Variants in TFG observed in about 807,000 individuals in gnomAD.
TFG encodes protein TFG.
Under a neutral mutation model 51.4 loss-of-function variants are expected in TFG, and 22 were observed. That is an observed-to-expected ratio of 0.43 (90% CI 0.31 to 0.61). The LOEUF (loss-of-function observed/expected upper bound fraction) is 0.61. Ranked by LOEUF, TFG falls within the 20% of genes least tolerant of loss-of-function variation. The pLI, the probability that TFG is intolerant of heterozygous loss-of-function variation, is 0.12. For synonymous variants in TFG, 187 were observed against 165.6 expected (o/e 1.13, Z -0.99); for missense variants, 419 against 487.7 (o/e 0.86, Z 1.33).
intron 6 of TFG, among the ~76,000 whole-genome samples, chr3:100,737,233 CT>C (rs1167606784): frequency 6.6e-6 from 1 of 152,148 alleles, no homozygotes; most frequent in Non-Finnish European, 1.5e-5. Context: ...TTAAGTCAGA[CT>C]TTTTCTTCTG....
At chr3:100,737,536 CTA>C (rs1175581505) in intron 6 of TFG, among the ~76,000 whole-genome samples, 1 of 152,188 alleles carries the variant, frequency 6.6e-6, no homozygotes, top group African/African-American at 2.4e-5. Flanking sequence ...TTTGTATTGT[CTA>C]TGTGTGTTGG....
At chr3:100,714,632 A>C (rs2095040708) in intron 2 of TFG, among the ~76,000 whole-genome samples, 1 of 152,184 alleles carries the variant, frequency 6.6e-6, no homozygotes, top group African/African-American at 2.4e-5. Flanking sequence ...AGCTTAAAAA[A>C]ATTTTTTTTC....
chr3:100,745,804 G>T (rs989769911), intron 7 of TFG, among the ~76,000 whole-genome samples: 1 of 152,040 alleles, frequency 6.6e-6, no homozygotes, highest in Non-Finnish European at 1.5e-5. Flanking sequence ...CTGTTTTTTT[G>T]AATAAAGTTT....
rs537516377 is a variant in TFG, at chr3:100,736,512, C to T, written c.581-64C>T. ...TTAGTATCTTTTAACCAAACTTATTCCTTGAGCTTGCTGGGGGAAGGCCTT... is the reference window on the plus strand; with the variant it reads ...TTAGTATCTTTTAACCAAACTTATTTCTTGAGCTTGCTGGGGGAAGGCCTT... On this transcript the variant is annotated intron_variant, in intron 5 of 7. Coordinates refer to ENST00000240851, the MANE Select transcript of TFG (RefSeq NM_006070.6). 4.3e-4 allele frequency: 678 copies of T among 1,573,074 alleles called. 4 individuals are homozygous for T. In the South Asian group the frequency reaches 7.4e-3, roughly 17 times the overall value.
chr3:100,738,825 T>G (rs1369659882), intron 6 of TFG, among the ~76,000 whole-genome samples: 1 of 152,200 alleles, frequency 6.6e-6, no homozygotes, highest in Non-Finnish European at 1.5e-5. Flanking sequence ...TTTTTCTATT[T>G]AGCAGCATTA....
chr3:100,710,506 C>T (rs1478060465), intron 1 of TFG, among the ~76,000 whole-genome samples: 2 of 152,204 alleles, frequency 1.3e-5, no homozygotes, highest in South Asian at 4.1e-4. Context: ...TACAGGTTGA[C>T]TTGGCTTAGT....
intron 6 of TFG, among the ~76,000 whole-genome samples, chr3:100,741,652 C>T (rs2095121601): frequency 6.6e-6 from 1 of 152,138 alleles, no homozygotes; most frequent in Non-Finnish European, 1.5e-5. Context: ...CAGTAATGTC[C>T]TTGGCCTTCA....
chr3:100,730,751 C>T (rs1246177469), intron 4 of TFG, among the ~76,000 whole-genome samples: 1 of 152,192 alleles, frequency 6.6e-6, no homozygotes, highest in Non-Finnish European at 1.5e-5. Context: ...GATGTGTAAA[C>T]TACCTTAGAT....
intron 3 of TFG, among the ~76,000 whole-genome samples, chr3:100,726,648 G>C (rs2095076744): frequency 6.6e-6 from 1 of 152,212 alleles, no homozygotes; most frequent in South Asian, 2.1e-4. Context: ...ATGTATCAGT[G>C]TGCTCCAAAG....
At chr3:100,738,971 A>G (rs371150426) in intron 6 of TFG, among the ~76,000 whole-genome samples, 2 of 152,316 alleles carry the variant, frequency 1.3e-5, no homozygotes, top group African/African-American at 4.8e-5. Context: ...GAACACTTCA[A>G]ACAACAAACA....
rs527286821 is a variant in TFG at position 100,719,621 on chromosome 3, T to A, written c.185-354T>A. Among the ~76,000 whole-genome samples the A allele has an allele frequency of 1.1e-3, 163 of 152,306 alleles. 1 individual carries two copies. The highest frequency in any genetic ancestry group is 3.8e-3 in the African/African-American group (158 of 41,572). On this transcript the variant is annotated intron_variant, in intron 2 of 7. Transcript: ENST00000240851. ...TTTATTTCTTGGTAAAAGATGTAAA[T>A]TTTTTGGAATGAAAAGATTTCAGTC... is the stretch of plus-strand genomic sequence containing the variant.
chr3:100,712,743 G>A (rs1345047673), intron 1 of TFG, among the ~76,000 whole-genome samples: 2 of 152,232 alleles, frequency 1.3e-5, no homozygotes, highest in Admixed American at 6.5e-5. Context: ...ATGTCTGGTA[G>A]TGTTAAGTGC....
chr3:100,748,460 C>G lies in TFG; in HGVS notation c.1132C>G (p.Pro378Ala). ...GSTMTPPPSG[P>A]NPYARNRPPF... Reference sequence around the variant, plus strand: ...TACCATGACCCCTCCTCCAAGTGGGCCTAATCCTTATGCGCGTAACCGTCC... The same window carrying G: ...TACCATGACCCCTCCTCCAAGTGGGGCTAATCCTTATGCGCGTAACCGTCC... Residue 378 changes from proline (P) to alanine (A), a missense_variant, in exon 8 of 8, where the codon CCT becomes GCT. This residue lies in a region of TFG where 391 missense variants were observed against 434.4 expected (regional missense o/e 0.90). Transcript: ENST00000240851. 1.2e-6 allele frequency: 2 copies of G among 1,614,082 alleles called. No individual in the cohort carries two copies. The highest frequency in any genetic ancestry group is 1.7e-6 in the Non-Finnish European group (2 of 1,179,986).
Position 100,748,783 on chromosome 3 carries a change from G to T in TFG, c.*252G>T, listed in dbSNP as rs1303104036. The T allele has an allele frequency of 1.5e-5, 6 of 394,236 alleles. No homozygotes were observed. Among genetic ancestry groups the T allele is most frequent in the Non-Finnish European group, 2.3e-5 (5 of 221,378 alleles). 24.4% of individuals were successfully genotyped at this position (394,236 alleles called of 1,614,324 possible). On this transcript the variant is annotated 3_prime_UTR_variant, in exon 8 of 8. Transcript: ENST00000240851. Reference sequence around the variant, plus strand: ...AACACTACTCTTACATGTATAAAGTGATTGACTTGACTTTCTAGCTTCCCT... The same window carrying T: ...AACACTACTCTTACATGTATAAAGTTATTGACTTGACTTTCTAGCTTCCCT...
intron 2 of TFG, among the ~76,000 whole-genome samples, chr3:100,717,435 A>G (rs1228160925): frequency 6.6e-6 from 1 of 152,180 alleles, no homozygotes; most frequent in Non-Finnish European, 1.5e-5. Context: ...TTAAATTTTT[A>G]TGAATAATTT....
rs1205647596 is a variant in TFG at position 100,748,691 on chromosome 3, C to T, written c.*160C>T. The T allele has an allele frequency of 8.1e-6, 7 of 865,664 alleles. No homozygotes were observed. Among genetic ancestry groups the T allele is most frequent in the Non-Finnish European group, 1.2e-5 (7 of 603,522 alleles). The allele number at this position is 865,664 out of a possible 1,614,324, so 53.6% of individuals were successfully genotyped here. On this transcript the variant is annotated 3_prime_UTR_variant, in exon 8 of 8. Transcript: ENST00000240851. ...TAATTGAAAGTATAATTTGCTGGAA[C>T]ACAAAGACCAAAATGAAAGTTTTTT... is the stretch of plus-strand genomic sequence containing the variant.
chr3:100,745,825 C>A (rs2095133302), intron 7 of TFG, among the ~76,000 whole-genome samples: 1 of 152,148 alleles, frequency 6.6e-6, no homozygotes, highest in African/African-American at 2.4e-5. Flanking sequence ...TATTGGAACA[C>A]ACTTCTACTT....
intron 2 of TFG, among the ~76,000 whole-genome samples, chr3:100,719,505 A>G (rs565101208): frequency 6.6e-6 from 1 of 152,344 alleles, no homozygotes; most frequent in African/African-American, 2.4e-5. Context: ...GTGACCTGAA[A>G]GAATTTACTG....
intron 2 of TFG, among the ~76,000 whole-genome samples, chr3:100,716,049 A>G (rs1370765703): frequency 6.6e-6 from 1 of 152,100 alleles, no homozygotes; most frequent in Non-Finnish European, 1.5e-5. Context: ...CACCTCAAAT[A>G]TTTATTTCTT....
Sources: allele counts gnomAD v4.1 joint callset (sites outside exome capture counted in the v4.1 genomes callset), GRCh38; gene constraint gnomAD v4.1.1; regional missense constraint gnomAD v4.1.1; transcripts MANE v1.5; gene names NCBI Gene and HGNC (gene_info 2026-07-23, HGNC 2026-07-21).